PRMT8: variants seen among roughly 807,000 people sequenced by gnomAD.
PRMT8 encodes protein arginine N-methyltransferase 8.
Under a neutral mutation model 47.1 loss-of-function variants are expected in PRMT8, and 7 were observed. The ratio of observed to expected loss-of-function variants is 0.15; its 90% CI spans 0.08 to 0.28. The LOEUF is 0.28. Among genes scored for constraint, PRMT8 ranks in the 10% least tolerant of loss-of-function variants. The pLI is 1.00. For missense variants in PRMT8, 237 were observed against 505.4 expected (o/e 0.47, Z 5.09); for synonymous variants, 188 against 186.5 (o/e 1.01, Z -0.07).
Position 3,465,342 on chromosome 12 carries a change from G to T in PRMT8, c.49-75264G>T, listed in dbSNP as rs1028224205. Among the ~76,000 whole-genome samples, 93 of 148,362 alleles carry T rather than the reference G, an allele frequency of 6.3e-4. 1 individual carries two copies. Among genetic ancestry groups the T allele is most frequent in the African/African-American group, 2.3e-3 (93 of 40,344 alleles). ...CATTAAATAAAAATAAAATAAACCC[G>T]ACTCCTCTCTTTGTTCTCTGAACAC... On this transcript the variant is annotated intron_variant, in intron 1 of 9. Transcript: ENST00000452611.
rs1169825376 is a variant in PRMT8 at position 3,550,312 on chromosome 12, G to A, written c.417+221G>A. 1 of 528,312 alleles carries A rather than the reference G, an allele frequency of 1.9e-6. No individual in the cohort carries two copies. The highest frequency in any genetic ancestry group is 3.4e-6 in the Non-Finnish European group (1 of 298,084). The allele number at this position is 528,312 out of a possible 1,614,324, so 32.7% of individuals were successfully genotyped here. On this transcript the variant is annotated intron_variant, in intron 3 of 9. Coordinates refer to ENST00000382622, the MANE Select transcript of PRMT8 (RefSeq NM_019854.5). The surrounding 1 kb of genome is among the most constrained non-coding windows in gnomAD (Gnocchi z 5.1). The stretch of plus-strand genomic sequence containing the variant: ...ATCCTTACAACCACTGACATTTGCG[G>A]AGGAACTGTGGCTTTCCTGAGACCA...
chr12:3,573,438 T>G (rs1866885884), intron 6 of PRMT8, among the ~76,000 whole-genome samples: 1 of 152,188 alleles, frequency 6.6e-6, no homozygotes, highest in Admixed American at 6.5e-5. Context: ...TACTTTAAAG[T>G]CTTGTTGGAT....
chr12:3,524,298 A>G (rs1865921314), intron 1 of PRMT8, among the ~76,000 whole-genome samples: 1 of 152,232 alleles, frequency 6.6e-6, no homozygotes, highest in South Asian at 2.1e-4. Flanking sequence ...AAGGAATTAA[A>G]GGAAACAACG....
At chr12:3,459,732 G>A (rs1175937598) in intron 1 of PRMT8, among the ~76,000 whole-genome samples, 1 of 152,176 alleles carries the variant, frequency 6.6e-6, no homozygotes, top group Non-Finnish European at 1.5e-5. Context: ...GTTGGTGTCT[G>A]CAGCAGTGAT....
intron 4 of PRMT8, among the ~76,000 whole-genome samples, chr12:3,563,629 C>T (rs1866672350): frequency 6.6e-6 from 1 of 152,054 alleles, no homozygotes; most frequent in Non-Finnish European, 1.5e-5. Context: ...GCTCCATGTC[C>T]ACAAGAATCC....
At chr12:3,476,144 C>T (rs563610123) in intron 1 of PRMT8, among the ~76,000 whole-genome samples, 51 of 152,172 alleles carry the variant, frequency 3.4e-4, no homozygotes, top group Non-Finnish European at 6.9e-4. Context: ...CAGACACTTT[C>T]TAGCCCTACT....
intron 1 of PRMT8, among the ~76,000 whole-genome samples, chr12:3,442,492 C>T (rs1864813854): frequency 2.6e-5 from 4 of 152,120 alleles, no homozygotes; most frequent in Admixed American, 2.6e-4. Context: ...TGTGAACAGC[C>T]CAGTCCCTCC....
rs199933972 is a variant in PRMT8, at chr12:3,540,614, C to T, written c.84C>T (p.Ser28=). 1.2e-4 allele frequency: 83 copies of T among 716,470 alleles called. No individual in the cohort carries two copies. In the East Asian group the frequency reaches 2.4e-3, roughly 21 times the overall value. 44.4% of individuals were successfully genotyped at this position (716,470 alleles called of 1,614,324 possible). ...CCTTCTCTTCCCCTCAGGTGAACAGCCCCCCCTCCCAGCCCCCCCAGCCCG... is the reference window on the plus strand; with the variant it reads ...CCTTCTCTTCCCCTCAGGTGAACAGTCCCCCCTCCCAGCCCCCCCAGCCCG... ...ENAAESTEVN[S]PPSQPPQPVV... is the part of the protein sequence containing the mutation. Residue 28 remains serine, a synonymous_variant, in exon 2 of 10, where the codon AGC becomes AGT. Coordinates refer to ENST00000382622, the MANE Select transcript of PRMT8 (RefSeq NM_019854.5).
chr12:3,558,917 A>T (rs772769508), intron 4 of PRMT8, among the ~76,000 whole-genome samples: 2 of 151,838 alleles, frequency 1.3e-5, no homozygotes, highest in African/African-American at 2.4e-5. Context: ...GCATGTAAAT[A>T]TTTCATTATT....
At chr12:3,437,622 C>CTATATATATATATATATATATA (rs57504454) in intron 1 of PRMT8, among the ~76,000 whole-genome samples, 27 of 142,856 alleles carry the variant, frequency 1.9e-4, no homozygotes, top group African/African-American at 6.8e-4. Context: ...TGCATTCAGG[C>CTATATATATATATATATATATA]TATATATATA....
upstream of PRMT8, among the ~76,000 whole-genome samples, chr12:3,487,559 G>C (rs557266292): frequency 6.6e-6 from 1 of 152,308 alleles, no homozygotes; most frequent in Non-Finnish European, 1.5e-5. Flanking sequence ...ACCTTCTGGC[G>C]TTTGTGGGGC....
intron 1 of PRMT8, among the ~76,000 whole-genome samples, chr12:3,392,669 C>T (rs1482742901): frequency 6.6e-6 from 1 of 152,034 alleles, no homozygotes; most frequent in African/African-American, 2.4e-5. Context: ...CCGCAATAAA[C>T]ATACGTGTGC....
At chr12:3,497,869 AT>A (rs1472792779) in intron 1 of PRMT8, among the ~76,000 whole-genome samples, 1 of 152,226 alleles carries the variant, frequency 6.6e-6, no homozygotes, top group African/African-American at 2.4e-5. Flanking sequence ...GGAAACTCAA[AT>A]CACTTAAGTC....
intron 1 of PRMT8, among the ~76,000 whole-genome samples, chr12:3,478,261 C>CATCTATCTATCTATCT (rs760728898): frequency 1.2e-4 from 15 of 127,414 alleles, no homozygotes; most frequent in East Asian, 4.7e-4. Flanking sequence ...ATCCACCTAT[C>CATCTATCTATCTATCT]ATCTATCTAT....
At chr12:3,450,206 T>C (rs978497389) in intron 1 of PRMT8, among the ~76,000 whole-genome samples, 6 of 152,234 alleles carry the variant, frequency 3.9e-5, no homozygotes, top group African/African-American at 1.2e-4. Context: ...GTTTCTTAAA[T>C]GTTTGTTGTA....
At chr12:3,528,632 C>T (rs138843169) in intron 1 of PRMT8, among the ~76,000 whole-genome samples, 17 of 151,820 alleles carry the variant, frequency 1.1e-4, no homozygotes, top group African/African-American at 2.4e-4. Context: ...TATCATTTCT[C>T]GGTTCAGTTT....
chr12:3,435,260 G>A (rs138033116), intron 1 of PRMT8, among the ~76,000 whole-genome samples: 62 of 151,914 alleles, frequency 4.1e-4, no homozygotes, highest in African/African-American at 1.4e-3. Context: ...TGAGCCACCC[G>A]GTCCAGCCTG....
At chr12:3,581,007 T>G (rs1419208829) in intron 7 of PRMT8, among the ~76,000 whole-genome samples, 1 of 152,246 alleles carries the variant, frequency 6.6e-6, no homozygotes, top group Admixed American at 6.5e-5. Context: ...CGCTAACAGA[T>G]GACATGTAAT....
intron 1 of PRMT8, among the ~76,000 whole-genome samples, chr12:3,435,649 GTA>G (rs1264140167): frequency 6.6e-6 from 1 of 151,790 alleles, no homozygotes; most frequent in Non-Finnish European, 1.5e-5. Flanking sequence ...AGCCTCCTGA[GTA>G]GCTGGGACTA....
Sources: gnomAD v4.1 joint callset for allele counts (sites outside exome capture counted in the v4.1 genomes callset) on GRCh38, gnomAD v4.1.1 for gene constraint, Gnocchi (gnomAD v3.1) non-coding constraint, MANE v1.5 for transcripts, NCBI Gene and HGNC (gene_info 2026-07-23, HGNC 2026-07-21) for gene names.